CNTN5: variants seen among roughly 807,000 people sequenced by gnomAD.
The protein encoded by CNTN5 is contactin 5.
CNTN5 carries 77 observed loss-of-function variants against 129.1 expected under a neutral mutation model. The observed-to-expected ratio is 0.60, with a 90% CI of 0.50 to 0.72. The LOEUF is 0.72. Ranked by LOEUF, CNTN5 falls within the 30% of genes least tolerant of loss-of-function variation. The pLI is 0.00. For synonymous variants in CNTN5, 509 were observed against 465.6 expected (o/e 1.09, Z -1.20); for missense variants, 1,478 against 1,328.8 (o/e 1.11, Z -1.75).
chr11:100,202,757 G>A (rs949805014), intron 15 of CNTN5, among the ~76,000 whole-genome samples: 1 of 151,704 alleles, frequency 6.6e-6, no homozygotes, highest in Non-Finnish European at 1.5e-5. Context: ...CTGTTAGTCA[G>A]CCAAGTTATA....
intron 3 of CNTN5, among the ~76,000 whole-genome samples, chr11:99,782,620 C>T (rs1010409868): frequency 6.6e-6 from 1 of 151,628 alleles, no homozygotes; most frequent in Non-Finnish European, 1.5e-5. Context: ...GTACTGGTAC[C>T]AAAACAGAGA....
chr11:99,116,379 G>A (rs932458687), intron 1 of CNTN5, among the ~76,000 whole-genome samples: 1 of 152,108 alleles, frequency 6.6e-6, no homozygotes, highest in African/African-American at 2.4e-5. Context: ...ATTCTATTAT[G>A]TCCTAGTAGT....
intron 1 of CNTN5, among the ~76,000 whole-genome samples, chr11:99,224,657 A>AT (rs3082693): frequency 0.17 from 18,106 of 108,468 alleles, 2,020 homozygotes; most frequent in South Asian, 0.26. Context: ...CCAAGGTTGC[A>AT]TTTTTTTTTT....
At chr11:99,198,929 A>T (rs1158498801) in intron 1 of CNTN5, among the ~76,000 whole-genome samples, 1 of 152,162 alleles carries the variant, frequency 6.6e-6, no homozygotes, top group Admixed American at 6.5e-5. Context: ...CTTCAATGCC[A>T]TCGATAGTAT....
At chr11:100,161,354 A>C in intron 13 of CNTN5, among the ~76,000 whole-genome samples, 1 of 151,928 alleles carries the variant, frequency 6.6e-6, no homozygotes, top group Admixed American at 6.6e-5. Flanking sequence ...CATTTCTAGC[A>C]GACTGACTTG....
intron 3 of CNTN5, among the ~76,000 whole-genome samples, chr11:99,620,718 C>CA (rs1950920239): frequency 6.6e-6 from 1 of 151,832 alleles, no homozygotes; most frequent in South Asian, 2.1e-4. Flanking sequence ...CCGCTCCCCC[C>CA]CGGCCATCAG....
In CNTN5 at chr11:99,767,842, G is replaced by A. The variant is rs1350314566; in HGVS notation, c.56-51702G>A. Among the ~76,000 whole-genome samples the A allele has an allele frequency of 2.6e-5, 4 of 151,990 alleles. No individual in the cohort carries two copies. In the South Asian group the frequency reaches 8.3e-4, roughly 32 times the overall value. On this transcript the variant is annotated intron_variant, in intron 3 of 24. Transcript: ENST00000524871. ...TTCTATAATAAAATGAATAATTTCT[G>A]TTTCAGTACAGAATTGTCATTTCTC...
At chr11:99,452,374 T>TTTTTG (rs1944337285) in intron 2 of CNTN5, among the ~76,000 whole-genome samples, 1 of 96,928 alleles carries the variant, frequency 1.0e-5, no homozygotes, top group African/African-American at 3.2e-5. Context: ...ACACAGGTGT[T>TTTTTG]TTTTTTTTTT....
chr11:99,756,252 A>G (rs1944399655), intron 3 of CNTN5, among the ~76,000 whole-genome samples: 1 of 152,144 alleles, frequency 6.6e-6, no homozygotes, highest in Non-Finnish European at 1.5e-5. Context: ...CCTGGGAAAT[A>G]AAGATTGGAA....
chr11:99,530,423 A>G (rs189316058), intron 2 of CNTN5, among the ~76,000 whole-genome samples: 5 of 152,288 alleles, frequency 3.3e-5, no homozygotes, highest in African/African-American at 1.2e-4. Flanking sequence ...TCATACAATA[A>G]CAAACACTTA....
chr11:99,323,814 G>C (rs1865669277), intron 1 of CNTN5, among the ~76,000 whole-genome samples: 1 of 151,922 alleles, frequency 6.6e-6, no homozygotes, highest in Non-Finnish European at 1.5e-5. Flanking sequence ...TTTTGTGCAA[G>C]AAGGCATAAA....
chr11:99,828,514 C>T (rs1183579298), intron 4 of CNTN5, among the ~76,000 whole-genome samples: 1 of 152,114 alleles, frequency 6.6e-6, no homozygotes, highest in East Asian at 1.9e-4. Context: ...CTTAAAGTCC[C>T]ACCTCTTAAT....
Position 99,485,600 on chromosome 11 carries a change from G to T in CNTN5, c.-70-70545G>T, listed in dbSNP as rs139984338. On this transcript the variant is annotated intron_variant, in intron 2 of 24. Transcript: ENST00000524871. ...ACTGTGAACCTAAAAATGCTCTAAA[G>T]TTTATTGATTAATAAAAGCATCCTG... Among the ~76,000 whole-genome samples the T allele has an allele frequency of 5.1e-3, 769 of 151,550 alleles. 4 individuals are homozygous for T. Among genetic ancestry groups the T allele is most frequent in the African/African-American group, 0.016 (682 of 41,494 alleles).
intron 3 of CNTN5, among the ~76,000 whole-genome samples, chr11:99,773,655 ATT>A (rs1411367263): frequency 1.3e-5 from 2 of 151,986 alleles, no homozygotes; most frequent in African/African-American, 2.4e-5. Flanking sequence ...ATTAGCAATA[ATT>A]TTTTAAAGTG....
intron 1 of CNTN5, among the ~76,000 whole-genome samples, chr11:99,178,363 C>G (rs984249866): frequency 4.2e-5 from 5 of 119,654 alleles, no homozygotes; most frequent in South Asian, 5.2e-4. Flanking sequence ...CACACACACA[C>G]ACACAAAATT....
At chr11:100,311,178 T>C (rs1951465407) in intron 21 of CNTN5, among the ~76,000 whole-genome samples, 1 of 151,696 alleles carries the variant, frequency 6.6e-6, no homozygotes, top group East Asian at 2.0e-4. Context: ...GCAGTGGAGT[T>C]GATAAGAAGT....
intron 13 of CNTN5, among the ~76,000 whole-genome samples, chr11:100,118,555 A>G (rs1718495130): frequency 6.6e-6 from 1 of 151,952 alleles, no homozygotes; most frequent in Non-Finnish European, 1.5e-5. Flanking sequence ...TTTTAGACTT[A>G]TCTATTGTCT....
chr11:99,463,410 C>A (rs564080155), intron 2 of CNTN5, among the ~76,000 whole-genome samples: 31 of 129,484 alleles, frequency 2.4e-4, no homozygotes, highest in African/African-American at 8.9e-4. Flanking sequence ...TGCACTCCAA[C>A]CTGGGCAACA....
chr11:99,337,039 T>C (rs1461669720), intron 2 of CNTN5, among the ~76,000 whole-genome samples: 2 of 152,112 alleles, frequency 1.3e-5, no homozygotes, highest in African/African-American at 4.8e-5. Flanking sequence ...TCTTCATGCC[T>C]TTTGAAGCTA....
Sources: gnomAD v4.1 joint callset for allele counts (sites outside exome capture counted in the v4.1 genomes callset) on GRCh38, gnomAD v4.1.1 for gene constraint, MANE v1.5 for transcripts, NCBI Gene and HGNC (gene_info 2026-07-23, HGNC 2026-07-21) for gene names.